PDHX: variants seen among roughly 807,000 people sequenced by gnomAD.
The protein encoded by PDHX is pyruvate dehydrogenase complex component X, also known as pyruvate dehydrogenase protein X component, mitochondrial.
In PDHX, 33 loss-of-function variants were observed where a neutral mutation model predicts 55.3. The ratio of observed to expected loss-of-function variants is 0.60; its 90% confidence interval spans 0.45 to 0.80. PDHX has a LOEUF of 0.80. Among genes scored for constraint, PDHX ranks in the 30% least tolerant of loss-of-function variants. The probability of loss-of-function intolerance (pLI) is 0.00; values close to 1 mark genes in which losing one functional copy is unlikely to be tolerated. For missense variants in PDHX, 622 were observed against 619.9 expected, an observed-to-expected ratio of 1.00 and a Z score of -0.04; for synonymous variants, 226 against 219.4, an observed-to-expected ratio of 1.03 and a Z score of -0.27.
intron 7 of PDHX, 79 bp from the exon 8 acceptor site, chr11:34,978,045 T>C: frequency 1.2e-6 from 1 of 801,738 alleles, no homozygotes; most frequent in South Asian, 1.5e-5. Flanking sequence ...ATTCCATAAT[T>C]TACAAGTTTG....
At chr11:34,940,423 T>C (rs1854446460) in intron 2 of PDHX, among the ~76,000 whole-genome samples, 1 of 152,236 alleles carries the variant, frequency 6.6e-6, no homozygotes, top group Non-Finnish European at 1.5e-5. Flanking sequence ...GTCTCTGGAT[T>C]CTACTATAGA....
Position 34,944,079 on chromosome 11 carries a change from ATGTGTG to A in PDHX, c.242-3417_242-3412del, listed in dbSNP as rs3980628. 3.8e-4 allele frequency among the ~76,000 whole-genome samples: 56 copies of A among 147,752 alleles called. 1 individual carries two copies. The highest frequency in any genetic ancestry group is 7.1e-3 in the Middle Eastern group (2 of 280). On this transcript the variant is annotated intron_variant, in intron 2 of 10. Transcript: ENST00000227868. ...TAATATATAAATATATAATACAAATATGTGTGTGTGTGTGTATATATATATAAAATA... is the reference window on the plus strand; with the variant it reads ...TAATATATAAATATATAATACAAATATGTGTGTGTATATATATATAAAATA...
At chr11:34,923,340 AGGAG>A (rs967268626) in intron 1 of PDHX, among the ~76,000 whole-genome samples, 33 of 152,300 alleles carry the variant, frequency 2.2e-4, no homozygotes, top group African/African-American at 7.5e-4. Context: ...TGTATAATTC[AGGAG>A]AGATTTCTTG....
chr11:34,957,685 G>T (rs1024892028), intron 4 of PDHX, 102 bp downstream of exon 4: 2 of 942,686 alleles, frequency 2.1e-6, no homozygotes, highest in Non-Finnish European at 1.7e-6. Flanking sequence ...TGTACATCAC[G>T]TAGGAAGTTG....
At chr11:34,935,702 G>T (rs1205670588) in intron 2 of PDHX, among the ~76,000 whole-genome samples, 1 of 152,156 alleles carries the variant, frequency 6.6e-6, no homozygotes, top group African/African-American at 2.4e-5. Context: ...GAAATTAGAG[G>T]TGACTGAATG....
chr11:34,933,450 G>A (rs1854225203), intron 2 of PDHX, among the ~76,000 whole-genome samples: 1 of 152,158 alleles, frequency 6.6e-6, no homozygotes, highest in Admixed American at 6.6e-5. Flanking sequence ...GCTTTTGTGT[G>A]TATTTTATGG....
At chr11:34,948,811 A>G (rs1854685773) in intron 3 of PDHX, among the ~76,000 whole-genome samples, 1 of 152,226 alleles carries the variant, frequency 6.6e-6, no homozygotes, top group Admixed American at 6.5e-5. Context: ...TTTATGCAGC[A>G]TATTGAAACA....
At chr11:34,952,160 T>C (rs573997280) in intron 3 of PDHX, among the ~76,000 whole-genome samples, 2 of 151,754 alleles carry the variant, frequency 1.3e-5, no homozygotes, top group South Asian at 2.1e-4. Context: ...TGAATCTGAA[T>C]AGACCAATAA....
intron 2 of PDHX, among the ~76,000 whole-genome samples, chr11:34,936,537 T>C (rs1854313786): frequency 1.3e-5 from 2 of 152,084 alleles, no homozygotes; most frequent in Admixed American, 1.3e-4. Flanking sequence ...TTAAAAATAA[T>C]GAGAAGGACA....
chr11:34,924,996 C>A (rs1220052882), intron 1 of PDHX, among the ~76,000 whole-genome samples: 3 of 152,158 alleles, frequency 2.0e-5, no homozygotes, highest in Non-Finnish European at 4.4e-5. Context: ...TTACATTAAA[C>A]AAATATTATG....
intron 9 of PDHX, among the ~76,000 whole-genome samples, chr11:34,987,592 T>G (rs1341556976): frequency 6.6e-6 from 1 of 152,136 alleles, no homozygotes; most frequent in Non-Finnish European, 1.5e-5. Context: ...ATGATTATCT[T>G]AAAAACTTAA....
At chr11:34,963,360 C>T (rs2133978005) in intron 5 of PDHX, among the ~76,000 whole-genome samples, 1 of 152,226 alleles carries the variant, frequency 6.6e-6, no homozygotes, top group East Asian at 1.9e-4. Flanking sequence ...CTCACTGCAG[C>T]TTTGAACTCC....
At chr11:34,980,728 G>A (rs1442386466) in intron 8 of PDHX, among the ~76,000 whole-genome samples, 2 of 152,130 alleles carry the variant, frequency 1.3e-5, no homozygotes, top group Non-Finnish European at 2.9e-5. Flanking sequence ...CAATGGAAAT[G>A]AGCGTAGCAT....
At chr11:34,986,274 G>A (rs2133999914) in intron 9 of PDHX, among the ~76,000 whole-genome samples, 1 of 146,912 alleles carries the variant, frequency 6.8e-6, no homozygotes, top group African/African-American at 2.6e-5. Context: ...CATTTGCACT[G>A]CAGCCTGGAT....
intron 7 of PDHX, among the ~76,000 whole-genome samples, chr11:34,974,334 T>G (rs1436362175): frequency 6.6e-6 from 1 of 152,208 alleles, no homozygotes; most frequent in Non-Finnish European, 1.5e-5. Flanking sequence ...TGTTGCAGAA[T>G]GTATAAAAAT....
At chr11:34,989,011 A>C (rs1855706348) in intron 9 of PDHX, among the ~76,000 whole-genome samples, 1 of 152,238 alleles carries the variant, frequency 6.6e-6, no homozygotes, top group Non-Finnish European at 1.5e-5. Flanking sequence ...ATACATTCTG[A>C]GAAATGCATG....
chr11:34,994,889 T>C (rs764766597), intron 10 of PDHX, 25 bp from the exon 11 acceptor site: 4 of 1,613,662 alleles, frequency 2.5e-6, no homozygotes, highest in East Asian at 2.2e-5. Context: ...CATGCCTCCT[T>C]CAGAGCTTTT....
chr11:34,979,573 C>T (rs998907020), intron 8 of PDHX, among the ~76,000 whole-genome samples: 9 of 152,124 alleles, frequency 5.9e-5, no homozygotes, highest in African/African-American at 2.2e-4. Flanking sequence ...CTGAAAATTA[C>T]ATTAATACAG....
At chr11:34,991,928 A>AG (rs1491512299) in intron 9 of PDHX, among the ~76,000 whole-genome samples, 1 of 149,472 alleles carries the variant, frequency 6.7e-6, no homozygotes, top group South Asian at 2.1e-4. Flanking sequence ...AAAAAAAAAA[A>AG]CTAAAAAACA....
Sources: gnomAD v4.1 joint callset for allele counts (sites outside exome capture counted in the v4.1 genomes callset) on GRCh38, gnomAD v4.1.1 for gene constraint, MANE v1.5 for transcripts, NCBI Gene and HGNC (gene_info 2026-07-23, HGNC 2026-07-21) for gene names.